The following ADGRB1 variants were observed in gnomAD, a reference collection of about 807,000 sequenced individuals.
ADGRB1 encodes the protein adhesion G protein-coupled receptor B1.
In ADGRB1, 36 loss-of-function variants were observed where a neutral mutation model predicts 175.7. That is an observed-to-expected ratio of 0.20 (90% CI 0.16 to 0.27). ADGRB1 has a LOEUF of 0.27. ADGRB1 is among the 10% of genes least tolerant of loss of function. The pLI is 1.00. For missense variants in ADGRB1, 1,731 were observed against 2,255.3 expected, an observed-to-expected ratio of 0.77 and a Z score of 4.71; for synonymous variants, 1,054 against 979.4, an observed-to-expected ratio of 1.08 and a Z score of -1.42.
intron 1 of ADGRB1, among the ~76,000 whole-genome samples, chr8:142,451,894 G>T (rs1472202553): frequency 1.3e-5 from 2 of 152,144 alleles, no homozygotes; most frequent in African/African-American, 4.8e-5. Context: ...TCCCGTGGGC[G>T]GCAGCGAAAC....
At chr8:142,501,834 T>C (rs2131974443) in intron 17 of ADGRB1, among the ~76,000 whole-genome samples, 1 of 49,568 alleles carries the variant, frequency 2.0e-5, no homozygotes, top group Admixed American at 2.2e-4. Context: ...GATGGGGTGG[T>C]GGTATTGATG....
intron 26 of ADGRB1, among the ~76,000 whole-genome samples, 165 bp from the exon 27 acceptor site, chr8:142,539,209 A>G (rs7387853): frequency 0.62 from 93,633 of 151,990 alleles, 30,282 homozygotes; most frequent in African/African-American, 0.81. Flanking sequence ...ACAGGCAGGT[A>G]CATGGGGAGG....
At chr8:142,541,840 CGGCCTCGCAG>C in intron 27 of ADGRB1, 91 bp from the exon 28 acceptor site, 1 of 1,266,760 alleles carries the variant, frequency 7.9e-7, no homozygotes, top group Non-Finnish European at 1.1e-6. Context: ...CAGGAGGTGG[CGGCCTCGCAG>C]GGCAGACTGG....
intron 22 of ADGRB1, among the ~76,000 whole-genome samples, chr8:142,523,551 C>G (rs976501963): frequency 2.6e-5 from 4 of 151,830 alleles, no homozygotes; most frequent in African/African-American, 9.7e-5. Flanking sequence ...CAAACACTGT[C>G]CCCAGAGATG....
chr8:142,525,155 G>A (rs904654026), intron 23 of ADGRB1, among the ~76,000 whole-genome samples: 1 of 152,082 alleles, frequency 6.6e-6, no homozygotes, highest in African/African-American at 2.4e-5. Flanking sequence ...CCCTGTAGGG[G>A]CAGTTGGGGA....
rs1441348942 is a variant in ADGRB1 at position 142,511,068 on chromosome 8, G to C, written c.2812G>C (p.Asp938His). The change falls in exon 18 of 31, where the codon GAC (aspartate) becomes CAC (histidine). Residue 938 changes from aspartate to histidine, a missense_variant. Asp to His is a moderately conservative substitution (Grantham distance 81, BLOSUM62 -1). This residue lies in a region of ADGRB1 where 77 missense variants were observed against 71.6 expected (regional missense o/e 1.08). Coordinates refer to ENST00000517894, the MANE Select transcript of ADGRB1 (RefSeq NM_001702.3). This position sits in a 1 kb window ranked among gnomAD's most constrained non-coding sequence, Gnocchi z 4.5. ...TFAILAQLSA[D>H]ANMEKATLPS... ...CGCCATCTTAGCCCAGCTCAGCGCC[G>C]ACGCGGTGAGACCCCGGCCGGGCCG... is the stretch of plus-strand genomic sequence containing the variant. 6.8e-6 allele frequency: 8 copies of C among 1,176,612 alleles called. No individual in the cohort carries two copies. Among genetic ancestry groups the C allele is most frequent in the African/African-American group, 1.6e-5 (1 of 61,166 alleles). 72.9% of individuals were successfully genotyped at this position (1,176,612 alleles called of 1,614,324 possible).
chr8:142,505,573 G>T (rs947861852), intron 17 of ADGRB1, among the ~76,000 whole-genome samples: 11 of 152,330 alleles, frequency 7.2e-5, no homozygotes, highest in Non-Finnish European at 1.2e-4. Flanking sequence ...GTTTGGAGGG[G>T]TCTGCTGGGA....
In ADGRB1 at chr8:142,543,631, G is replaced by T; in HGVS notation, c.4480G>T (p.Asp1494Tyr). Residue 1494 changes from aspartate (D) to tyrosine (Y), a missense_variant, in exon 30 of 31, where the codon GAC (aspartate) becomes TAC (tyrosine). Asp to Tyr is a radical substitution (Grantham distance 160, BLOSUM62 -3). Transcript: ENST00000517894. The surrounding 1 kb of genome is among the most constrained non-coding windows in gnomAD (Gnocchi z 4.4). Reference sequence around the variant, plus strand: ...CATGCACACCCGGAAGCGGCACCAAGACATGTTCCAGGACCTGAACCGGAA... The same window carrying T: ...CATGCACACCCGGAAGCGGCACCAATACATGTTCCAGGACCTGAACCGGAA... The part of the protein sequence containing the change: ...KIMHTRKRHQ[D>Y]MFQDLNRKLQ... The T allele has an allele frequency of 6.5e-7, 1 of 1,547,244 alleles. No homozygotes were observed.
At chr8:142,451,201 G>A (rs1839330153) in intron 1 of ADGRB1, among the ~76,000 whole-genome samples, 1 of 152,176 alleles carries the variant, frequency 6.6e-6, no homozygotes, top group African/African-American at 2.4e-5. Flanking sequence ...CGACCGGGAG[G>A]GCTTGACGGA....
Position 142,542,137 on chromosome 8 carries a change from C to T in ADGRB1, c.3903C>T (p.Asp1301=), listed in dbSNP as rs1439463000. Residue 1301 remains aspartate (D), a synonymous_variant, in exon 28 of 31, where the codon GAC becomes GAT. Transcript: ENST00000517894. The surrounding 1 kb of genome is among the most constrained non-coding windows in gnomAD (Gnocchi z 6.3). ...SPRYPGGPLP[D]FPNHSLTLKR... ...GCTATCCCGGCGGGCCCCTGCCCGACTTCCCCAACCACTCACTGACCCTCA... is the reference window on the plus strand; with the variant it reads ...GCTATCCCGGCGGGCCCCTGCCCGATTTCCCCAACCACTCACTGACCCTCA... 1 of 1,613,454 alleles carries T rather than the reference C, an allele frequency of 6.2e-7. No individual in the cohort carries two copies. Among genetic ancestry groups the T allele is most frequent in the Non-Finnish European group, 8.5e-7 (1 of 1,179,786 alleles).
At chr8:142,480,686 A>T (rs572074794) in intron 9 of ADGRB1, among the ~76,000 whole-genome samples, 11 of 152,328 alleles carry the variant, frequency 7.2e-5, no homozygotes, top group African/African-American at 2.2e-4. Flanking sequence ...GTCAGGTGTC[A>T]GGGCTGCGAC....
chr8:142,519,731 GGTGATGGTGGTA>G (rs1470372798), intron 19 of ADGRB1, among the ~76,000 whole-genome samples: 1 of 150,322 alleles, frequency 6.7e-6, no homozygotes, highest in African/African-American at 2.4e-5. Context: ...TGGTGATTGT[GGTGATGGTGGTA>G]GTGATGGTGG....
intron 1 of ADGRB1, among the ~76,000 whole-genome samples, chr8:142,462,948 G>A (rs1029621156): frequency 6.6e-6 from 1 of 152,186 alleles, no homozygotes; most frequent in African/African-American, 2.4e-5. Context: ...CACCCGTGGC[G>A]CTGTGAGTGG....
intron 1 of ADGRB1, among the ~76,000 whole-genome samples, chr8:142,462,835 C>T (rs1840041456): frequency 6.6e-6 from 1 of 152,196 alleles, no homozygotes; most frequent in African/African-American, 2.4e-5. Flanking sequence ...GGTGAGGAGA[C>T]TGAGGTCTGT....
At chr8:142,462,346 C>T (rs1409529123) in intron 1 of ADGRB1, among the ~76,000 whole-genome samples, 1 of 152,210 alleles carries the variant, frequency 6.6e-6, no homozygotes, top group African/African-American at 2.4e-5. Context: ...ATTCCCCCAC[C>T]CAGCTCTTAA....
At chr8:142,476,231 C>G (rs528499739) in intron 3 of ADGRB1, among the ~76,000 whole-genome samples, 3 of 152,306 alleles carry the variant, frequency 2.0e-5, no homozygotes, top group African/African-American at 4.8e-5. Flanking sequence ...GGGAGAAGAG[C>G]TCCTCTCAGG....
chr8:142,476,489 G>A, intron 3 of ADGRB1, 96 bp from the exon 4 acceptor site: 1 of 1,122,950 alleles, frequency 8.9e-7, no homozygotes, highest in African/African-American at 1.5e-5. Flanking sequence ...GTGGAGCCAG[G>A]TGGCCCAGTG....
chr8:142,514,333 C>T (rs1469173716), intron 18 of ADGRB1, among the ~76,000 whole-genome samples: 1 of 152,084 alleles, frequency 6.6e-6, no homozygotes, highest in Admixed American at 6.5e-5. Context: ...TAGAGCTGGC[C>T]TGGAGCCAGG....
In ADGRB1 at chr8:142,522,146, C is replaced by T. The variant is rs757265368; in HGVS notation, c.3175+31C>T. The T allele has an allele frequency of 1.6e-5, 25 of 1,596,108 alleles. No homozygotes were observed. The Admixed American group carries it at 4.2e-4, about 27-fold the overall frequency. ...CCGCGGCCTTCCCGACCCTCCTGGA[C>T]AGATACCCTTCCTCCCCCACTGCTT... On this transcript the variant is annotated intron_variant, in intron 21 of 30. Transcript: ENST00000517894.
Sources: gnomAD v4.1 joint callset for allele counts (sites outside exome capture counted in the v4.1 genomes callset) on GRCh38, gnomAD v4.1.1 for gene constraint, gnomAD v4.1.1 regional missense constraint, Gnocchi (gnomAD v3.1) non-coding constraint, MANE v1.5 for transcripts, NCBI Gene and HGNC (gene_info 2026-07-23, HGNC 2026-07-21) for gene names.